The following DUSP2 variants were observed in gnomAD, a reference collection of about 807,000 sequenced individuals.
The protein encoded by DUSP2 is dual specificity protein phosphatase 2.
DUSP2 carries 20 observed loss-of-function variants against 23.3 expected under a neutral mutation model. The ratio of observed to expected loss-of-function variants is 0.86; its 90% CI spans 0.60 to 1.25. The LOEUF (loss-of-function observed/expected upper bound fraction) is 1.25. Among genes scored for constraint, DUSP2 ranks in the 50% most tolerant of loss-of-function variants. The pLI, the probability that DUSP2 is intolerant of heterozygous loss-of-function variation, is 0.00. For synonymous variants in DUSP2, 231 were observed against 209.7 expected (o/e 1.10, Z -0.88); for missense variants, 435 against 452.6 (o/e 0.96, Z 0.35).
In DUSP2 at chr2:96,144,967, C is replaced by G. The variant is rs1468530727; in HGVS notation, c.388G>C (p.Gly130Arg). 1.3e-6 allele frequency: 2 copies of G among 1,546,384 alleles called. No homozygotes were observed. The highest frequency in any genetic ancestry group is 1.4e-5 in the African/African-American group (1 of 73,600). Residue 130 changes from glycine (G) to arginine (R), a missense_variant and splice_region_variant, in exon 1 of 4, where the codon GGA (glycine) becomes CGA (arginine). Coordinates refer to ENST00000288943, the MANE Select transcript of DUSP2 (RefSeq NM_004418.4). The part of the protein sequence containing the change: ...AGPTAVYFLR[G>R]GFDGFQGCCP... ...GGCCAAGGGCGGCCGGCTTGCTCACCTCGCAGGAAGTACACGGCAGTGGGC... is the reference window on the plus strand; with the variant it reads ...GGCCAAGGGCGGCCGGCTTGCTCACGTCGCAGGAAGTACACGGCAGTGGGC...
chr2:96,144,065 A>C, intron 3 of DUSP2, 28 bp from the exon 4 acceptor site: 1 of 1,613,296 alleles, frequency 6.2e-7, no homozygotes, highest in Non-Finnish European at 8.5e-7. Flanking sequence ...GAGTGGTGTC[A>C]GACGGAATGT....
In DUSP2 at chr2:96,144,020, C is replaced by T. The variant is rs747889631; in HGVS notation, c.748G>A (p.Gly250Arg). ...TGGCAGTGCACCAGCACCCGGCCTC[C>T]GCTGTTCTTCACCCAGTCTGCAAGG... ...IGFIDWVKNS[G>R]GRVLVHCQAG... The change falls in exon 4 of 4, where the codon GGA becomes AGA. Residue 250 changes from glycine (G) to arginine (R), a missense_variant. Physicochemically the swap from Gly to Arg is moderately radical, Grantham distance 125 (BLOSUM62 -2). Transcript: ENST00000288943. The T allele has an allele frequency of 8.7e-6, 14 of 1,613,624 alleles. No individual in the cohort carries two copies. Among genetic ancestry groups the T allele is most frequent in the African/African-American group, 1.3e-5 (1 of 74,942 alleles).
Position 96,145,191 on chromosome 2 carries a change from AGCAGCG to A in DUSP2, c.158_163del (p.Ala53_Leu55delinsVal). The A allele has an allele frequency of 7.8e-7, 1 of 1,289,162 alleles. No homozygotes were observed. Among genetic ancestry groups the A allele is most frequent in the Non-Finnish European group, 9.8e-7 (1 of 1,024,772 alleles). The allele number at this position is 1,289,162 out of a possible 1,614,324, so 79.9% of individuals were successfully genotyped here. A position where few individuals can be genotyped will look rare whatever the true frequency, so the allele number is the denominator to read the frequency against. On this transcript the variant is annotated inframe_deletion, in exon 1 of 4. Coordinates refer to ENST00000288943, the MANE Select transcript of DUSP2 (RefSeq NM_004418.4). ...AGGAGGGCCGCGCGCGCGGCGCCGC[AGCAGCG>A]CGTTCCAAGGCACTGGCCGCGCGGC...
Position 96,144,384 on chromosome 2 carries a change from C to G in DUSP2, c.511-11G>C. On this transcript the variant is annotated splice_polypyrimidine_tract_variant and intron_variant, in intron 2 of 3. Coordinates refer to ENST00000288943, the MANE Select transcript of DUSP2 (RefSeq NM_004418.4). The stretch of plus-strand genomic sequence containing the variant: ...CTCCACAGGGCCACCCTGGAGGGAA[C>G]AGAGGGGCGGTGAGGCCTTTCCAGC... 2 of 1,609,134 alleles carry G rather than the reference C, an allele frequency of 1.2e-6. No homozygotes were observed. Among genetic ancestry groups the G allele is most frequent in the Admixed American group, 1.7e-5 (1 of 59,928 alleles).
At chr2:96,144,506 C>A in intron 2 of DUSP2, 133 bp from the exon 3 acceptor site, 1 of 883,838 alleles carries the variant, frequency 1.1e-6, no homozygotes, top group Non-Finnish European at 1.7e-6. Flanking sequence ...TGAGACAGGT[C>A]TCAGGAATGT....
In DUSP2 at chr2:96,145,175, G is replaced by A; in HGVS notation, c.180C>T (p.Arg60=). Residue 60 remains arginine, a synonymous_variant, in exon 1 of 4, where the codon CGC becomes CGT. Coordinates refer to ENST00000288943, the MANE Select transcript of DUSP2 (RefSeq NM_004418.4). Reference sequence around the variant, plus strand: ...AGGCGAGAACGGCGGCAGGAGGGCCGCGCGCGCGGCGCCGCAGCAGCGCGT... The same window carrying A: ...AGGCGAGAACGGCGGCAGGAGGGCCACGCGCGCGGCGCCGCAGCAGCGCGT... ...PWNALLRRRA[R]GPPAAVLACL... 7.8e-7 allele frequency: 1 copy of A among 1,287,832 alleles called. No homozygotes were observed. The highest frequency in any genetic ancestry group is 9.8e-7 in the Non-Finnish European group (1 of 1,022,706). 79.8% of individuals were successfully genotyped at this position (1,287,832 alleles called of 1,614,324 possible).
At chr2:96,144,500 A>T in intron 2 of DUSP2, 127 bp from the exon 3 acceptor site, 1 of 929,556 alleles carries the variant, frequency 1.1e-6, no homozygotes, top group Non-Finnish European at 1.6e-6. Context: ...CTGACCTGAG[A>T]CAGGTCTCAG....
At chr2:96,144,638 C>T (rs1682469611) in intron 2 of DUSP2, 123 bp downstream of exon 2, 2 of 943,274 alleles carry the variant, frequency 2.1e-6, no homozygotes, top group African/African-American at 1.7e-5. Context: ...AACACACACA[C>T]GTATAAAAGT....
Sources: gnomAD v4.1 joint callset for allele counts on GRCh38, gnomAD v4.1.1 for gene constraint, MANE v1.5 for transcripts, NCBI Gene and HGNC (gene_info 2026-07-23, HGNC 2026-07-21) for gene names.